The following PRELID2 variants were observed in gnomAD, a reference collection of about 807,000 sequenced individuals.
PRELID2 encodes PRELI domain containing 2.
A neutral mutation model predicts 28.4 loss-of-function variants in PRELID2; 25 were observed. That is an observed-to-expected ratio of 0.88 (90% confidence interval 0.64 to 1.23). The LOEUF (loss-of-function observed/expected upper bound fraction) is 1.23. Ranked by LOEUF, PRELID2 falls within the 50% of genes most tolerant of loss-of-function variation. The pLI, the probability that PRELID2 is intolerant of heterozygous loss-of-function variation, is 0.00. For synonymous variants in PRELID2, 76 were observed against 71.6 expected, an observed-to-expected ratio of 1.06 and a Z score of -0.31; for missense variants, 201 against 214.4, an observed-to-expected ratio of 0.94 and a Z score of 0.39.
intron 1 of PRELID2, among the ~76,000 whole-genome samples, chr5:145,622,555 T>C (rs1753787095): frequency 6.6e-6 from 1 of 152,236 alleles, no homozygotes; most frequent in Middle Eastern, 3.4e-3. Context: ...ATAATATTTA[T>C]TGTGTATTCG....
At chr5:145,581,063 C>T (rs1329542903) in intron 1 of PRELID2, among the ~76,000 whole-genome samples, 1 of 151,978 alleles carries the variant, frequency 6.6e-6, no homozygotes, top group East Asian at 1.9e-4. Flanking sequence ...TTTACCTCCA[C>T]CAAGAGGAAA....
At chr5:145,814,329 A>G (rs1488476094) in intron 4 of PRELID2, among the ~76,000 whole-genome samples, 1 of 152,182 alleles carries the variant, frequency 6.6e-6, no homozygotes, top group Non-Finnish European at 1.5e-5. Flanking sequence ...AGCCAATTCC[A>G]TCCTTTTGCT....
At chr5:145,598,311 A>G (rs1473428240) in intron 1 of PRELID2, among the ~76,000 whole-genome samples, 1 of 152,146 alleles carries the variant, frequency 6.6e-6, no homozygotes, top group Non-Finnish European at 1.5e-5. Flanking sequence ...AAAGCAGTCT[A>G]AGCAATATAA....
chr5:145,301,012 G>A, the PRELID2 span, among the ~76,000 whole-genome samples: 1 of 151,962 alleles, frequency 6.6e-6, no homozygotes, highest in East Asian at 1.9e-4. Context: ...AACAATAAAT[G>A]GAGCATATTG....
intron 5 of PRELID2, among the ~76,000 whole-genome samples, chr5:145,768,979 C>CCT (rs1339356418): frequency 2.0e-5 from 3 of 152,072 alleles, no homozygotes; most frequent in African/African-American, 7.2e-5. Flanking sequence ...TGATTTAGTA[C>CCT]CTCTCTTCGG....
the PRELID2 span, among the ~76,000 whole-genome samples, chr5:145,374,954 T>C: frequency 6.6e-6 from 1 of 152,172 alleles, no homozygotes; most frequent in Non-Finnish European, 1.5e-5. Context: ...CATTGTTTTT[T>C]ATTACCCATC....
the PRELID2 span, among the ~76,000 whole-genome samples, chr5:145,254,145 C>G: frequency 6.6e-6 from 1 of 152,060 alleles, no homozygotes; most frequent in East Asian, 1.9e-4. Flanking sequence ...TTTCAGTGAA[C>G]TTTCAAATAC....
chr5:145,479,251 T>C (rs1752134786), intron 1 of PRELID2, among the ~76,000 whole-genome samples: 1 of 152,194 alleles, frequency 6.6e-6, no homozygotes, highest in South Asian at 2.1e-4. Flanking sequence ...CTTCTGTCTC[T>C]TTGCTGAAAG....
At chr5:145,405,986 T>G in the PRELID2 span, among the ~76,000 whole-genome samples, 2 of 152,078 alleles carry the variant, frequency 1.3e-5, no homozygotes, top group Admixed American at 6.6e-5. Flanking sequence ...GTTACAGGTG[T>G]GAGCCACCAC....
intron 1 of PRELID2, among the ~76,000 whole-genome samples, chr5:145,706,934 C>A (rs904771721): frequency 2.0e-5 from 3 of 152,166 alleles, no homozygotes; most frequent in Non-Finnish European, 4.4e-5. Context: ...ACCTTGCATG[C>A]AAGTTAACAC....
chr5:145,603,044 C>T (rs1753420639), intron 1 of PRELID2, among the ~76,000 whole-genome samples: 1 of 152,038 alleles, frequency 6.6e-6, no homozygotes, highest in East Asian at 1.9e-4. Flanking sequence ...AAGAGCAAAA[C>T]TCCATCTCAA....
the PRELID2 span, among the ~76,000 whole-genome samples, chr5:145,444,776 T>G: frequency 6.6e-6 from 1 of 152,086 alleles, no homozygotes; most frequent in African/African-American, 2.4e-5. Context: ...TTCGTCCACT[T>G]ATTTCATATT....
downstream of PRELID2, among the ~76,000 whole-genome samples, chr5:145,469,453 T>G (rs554110973): frequency 6.6e-6 from 1 of 152,174 alleles, no homozygotes; most frequent in East Asian, 1.9e-4. Flanking sequence ...GGAGTGGCCT[T>G]AGGAATAATA....
In PRELID2 at chr5:145,803,499, T is replaced by G. The variant is rs559307576; in HGVS notation, c.369-6952A>C. On this transcript the variant is annotated intron_variant, in intron 4 of 6. Coordinates refer to ENST00000683046, the MANE Select transcript of PRELID2 (RefSeq NM_205846.3). ...TAGACCATTTACATTCACATCTTGT[T>G]TTAGCTTGCCTACCCACCCACGTAG... 4.6e-5 allele frequency among the ~76,000 whole-genome samples: 7 copies of G among 152,224 alleles called. No homozygotes were observed. The South Asian group carries it at 1.5e-3, about 32-fold the overall frequency.
chr5:145,296,877 T>C, the PRELID2 span, among the ~76,000 whole-genome samples: 1 of 152,194 alleles, frequency 6.6e-6, no homozygotes, highest in African/African-American at 2.4e-5. Flanking sequence ...TTTTAATGAT[T>C]GTCATTCTAA....
intron 4 of PRELID2, among the ~76,000 whole-genome samples, chr5:145,810,592 C>T (rs534510942): frequency 1.8e-4 from 28 of 152,172 alleles, no homozygotes; most frequent in Non-Finnish European, 2.6e-4. Flanking sequence ...TGCAGTGTAA[C>T]AGTAAATCAT....
At chr5:145,434,997 G>A in the PRELID2 span, among the ~76,000 whole-genome samples, 46 of 152,168 alleles carry the variant, frequency 3.0e-4, no homozygotes, top group Admixed American at 2.7e-3. Flanking sequence ...GTTAAATGAC[G>A]ATGAAAACAA....
chr5:145,499,308 G>T (rs185729519), intron 1 of PRELID2, among the ~76,000 whole-genome samples: 1 of 152,268 alleles, frequency 6.6e-6, no homozygotes, highest in African/African-American at 2.4e-5. Flanking sequence ...GTTTATTTCT[G>T]CATATGGAGA....
At chr5:145,767,093 G>A (rs1757809454) in intron 5 of PRELID2, among the ~76,000 whole-genome samples, 2 of 152,040 alleles carry the variant, frequency 1.3e-5, no homozygotes, top group African/African-American at 4.8e-5. Flanking sequence ...TTTCCCATAT[G>A]AATGTTGCCT....
Sources: gnomAD v4.1 joint callset for allele counts (sites outside exome capture counted in the v4.1 genomes callset) on GRCh38, gnomAD v4.1.1 for gene constraint, MANE v1.5 for transcripts, NCBI Gene and HGNC (gene_info 2026-07-23, HGNC 2026-07-21) for gene names.